The following ARK2C variants were observed in gnomAD, a reference collection of about 807,000 sequenced individuals.
The protein encoded by ARK2C is E3 ubiquitin-protein ligase ARK2C.
chr18:46,347,652 GCA>G, the ARK2C span, among the ~76,000 whole-genome samples: 2 of 152,120 alleles, frequency 1.3e-5, no homozygotes, highest in South Asian at 4.1e-4. Flanking sequence ...GTGGCTCCTG[GCA>G]CAGAGTAGGG....
chr18:46,429,568 A>C, the ARK2C span, among the ~76,000 whole-genome samples: 6 of 152,208 alleles, frequency 3.9e-5, no homozygotes, highest in African/African-American at 1.4e-4. Context: ...TATTGTTAAT[A>C]TAGAAATGAT....
the ARK2C span, among the ~76,000 whole-genome samples, chr18:46,441,494 C>G: frequency 6.6e-6 from 1 of 152,220 alleles, no homozygotes; most frequent in African/African-American, 2.4e-5. Context: ...TGTAATAAAG[C>G]TCCCTCTTTC....
chr18:46,396,638 A>G, the ARK2C span, among the ~76,000 whole-genome samples: 2 of 152,192 alleles, frequency 1.3e-5, no homozygotes, highest in African/African-American at 2.4e-5. Flanking sequence ...GCTCAGCCCT[A>G]TTGAATCCAA....
chr18:46,401,474 A>C, the ARK2C span, among the ~76,000 whole-genome samples: 1 of 152,230 alleles, frequency 6.6e-6, no homozygotes, highest in Non-Finnish European at 1.5e-5. Context: ...ATGAGAGCAC[A>C]AAAAGACCTT....
the ARK2C span, chr18:46,334,261 C>A: frequency 6.7e-7 from 1 of 1,486,288 alleles, no homozygotes; most frequent in Non-Finnish European, 8.9e-7. The surrounding 1 kb of genome is among the most constrained non-coding windows in gnomAD (Gnocchi z 4.4). Flanking sequence ...GCCGCCGCCG[C>A]GCGAGGAGCC....
At chr18:46,353,253 C>T in the ARK2C span, among the ~76,000 whole-genome samples, 1 of 152,250 alleles carries the variant, frequency 6.6e-6, no homozygotes, top group South Asian at 2.1e-4. Context: ...ATGAAAGCTG[C>T]ACATCCTTGG....
chr18:46,460,457 A>G, the ARK2C span: 1 of 152,502 alleles, frequency 6.6e-6, no homozygotes, highest in Non-Finnish European at 1.5e-5. Context: ...ATATTTAACA[A>G]TCATAATTTA....
chr18:46,439,749 AT>A, the ARK2C span, among the ~76,000 whole-genome samples: 1 of 152,266 alleles, frequency 6.6e-6, no homozygotes, highest in African/African-American at 2.4e-5. Flanking sequence ...CAATAAAAAA[AT>A]AAGAGAATAG....
the ARK2C span, among the ~76,000 whole-genome samples, chr18:46,370,905 G>A: frequency 1.8e-3 from 267 of 152,294 alleles, no homozygotes; most frequent in African/African-American, 6.2e-3. Context: ...AGGAGGATGG[G>A]CACATTGTGG....
At chr18:46,383,795 C>A in the ARK2C span, among the ~76,000 whole-genome samples, 1 of 152,086 alleles carries the variant, frequency 6.6e-6, no homozygotes, top group Non-Finnish European at 1.5e-5. Context: ...TCGTGATCCG[C>A]CCACCTTGGC....
At chr18:46,377,274 G>A in the ARK2C span, among the ~76,000 whole-genome samples, 1 of 152,220 alleles carries the variant, frequency 6.6e-6, no homozygotes, top group Admixed American at 6.5e-5. Context: ...GGAAACTTGA[G>A]ATTGACAGTT....
At chr18:46,371,019 A>G in the ARK2C span, among the ~76,000 whole-genome samples, 1 of 152,222 alleles carries the variant, frequency 6.6e-6, no homozygotes, top group Non-Finnish European at 1.5e-5. Flanking sequence ...ACAGTTCCAC[A>G]TGGCTAGGGA....
the ARK2C span, among the ~76,000 whole-genome samples, chr18:46,362,299 A>G: frequency 1.3e-5 from 2 of 152,202 alleles, no homozygotes; most frequent in Non-Finnish European, 2.9e-5. Flanking sequence ...TTTCTAACTG[A>G]GACTCTTAGG....
At chr18:46,397,717 T>C in the ARK2C span, among the ~76,000 whole-genome samples, 1 of 117,544 alleles carries the variant, frequency 8.5e-6, no homozygotes, top group Admixed American at 9.4e-5. Flanking sequence ...TGTGTGTGCA[T>C]GTGGTGTGTG....
the ARK2C span, among the ~76,000 whole-genome samples, chr18:46,446,812 TC>T: frequency 6.6e-6 from 1 of 151,350 alleles, no homozygotes; most frequent in Non-Finnish European, 1.5e-5. Context: ...TTTATTTCCA[TC>T]CCTCCTGCAG....
the ARK2C span, among the ~76,000 whole-genome samples, chr18:46,342,998 C>CT: frequency 9.9e-5 from 15 of 152,198 alleles, no homozygotes; most frequent in Non-Finnish European, 1.9e-4. Context: ...TTCTGCTATG[C>CT]TGTTTTCACA....
chr18:46,443,892 T>C, the ARK2C span, among the ~76,000 whole-genome samples: 1,377 of 152,332 alleles, frequency 9.0e-3, 8 homozygotes, highest in Non-Finnish European at 0.015. Flanking sequence ...GTTATTTTTC[T>C]TTAGTTTGAA....
the ARK2C span, among the ~76,000 whole-genome samples, chr18:46,412,103 A>G: frequency 6.6e-6 from 1 of 152,222 alleles, no homozygotes; most frequent in Admixed American, 6.5e-5. Context: ...AGCGGGAGAC[A>G]ACGGCTCATC....
chr18:46,352,549 A>G, the ARK2C span, among the ~76,000 whole-genome samples: 2 of 152,170 alleles, frequency 1.3e-5, no homozygotes, highest in African/African-American at 4.8e-5. Context: ...GCTCAATATC[A>G]AGGACTCAGG....
Sources: gnomAD v4.1 joint callset for allele counts (sites outside exome capture counted in the v4.1 genomes callset) on GRCh38, gnomAD v4.1.1 for gene constraint, Gnocchi (gnomAD v3.1) non-coding constraint, MANE v1.5 for transcripts, NCBI Gene and HGNC (gene_info 2026-07-23, HGNC 2026-07-21) for gene names.